ST18: variants seen among roughly 807,000 people sequenced by gnomAD.
ST18 encodes the protein ST18 C2H2C-type zinc finger transcription factor, also known as suppression of tumorigenicity 18 protein.
ST18 carries 50 observed loss-of-function variants against 110.0 expected under a neutral mutation model. The observed-to-expected ratio is 0.45, with a 90% CI of 0.36 to 0.58. The LOEUF is 0.58. Ranked by LOEUF, ST18 falls within the 20% of genes least tolerant of loss-of-function variation. The pLI is 0.00. For synonymous variants in ST18, 461 were observed against 452.4 expected (o/e 1.02, Z -0.24); for missense variants, 1,306 against 1,280.1 (o/e 1.02, Z -0.31).
intron 2 of ST18, among the ~76,000 whole-genome samples, chr8:52,262,943 C>T (rs891738976): frequency 6.6e-6 from 1 of 152,166 alleles, no homozygotes; most frequent in African/African-American, 2.4e-5. Flanking sequence ...GGGGCCAAAA[C>T]TTTTTCCACT....
At chr8:52,279,664 G>A (rs1214943438) in intron 2 of ST18, among the ~76,000 whole-genome samples, 1 of 152,122 alleles carries the variant, frequency 6.6e-6, no homozygotes, top group Non-Finnish European at 1.5e-5. Context: ...GGGAAATATA[G>A]TGAATTGGTA....
At chr8:52,178,571 C>T (rs192691193) in intron 9 of ST18, among the ~76,000 whole-genome samples, 1 of 138,826 alleles carries the variant, frequency 7.2e-6, no homozygotes, top group East Asian at 2.1e-4. Context: ...GAGCTGAGAT[C>T]CCACCATTGC....
chr8:52,169,300 C>A (rs896974694), intron 10 of ST18, among the ~76,000 whole-genome samples: 11 of 152,300 alleles, frequency 7.2e-5, no homozygotes, highest in Non-Finnish European at 1.3e-4. Context: ...ACCTTATACT[C>A]TGGTGATGTT....
At position 52,146,188 on chromosome 8, in the gene ST18, G is replaced by T. The variant is rs1182339425; in HGVS notation, c.2053-3143C>A. Among the ~76,000 whole-genome samples, 4 of 152,088 alleles carry T rather than the reference G, an allele frequency of 2.6e-5. No individual in the cohort carries two copies. In the South Asian group the frequency reaches 8.3e-4, roughly 32 times the overall value. On this transcript the variant is annotated intron_variant, in intron 16 of 25. Coordinates refer to ENST00000689386, the MANE Select transcript of ST18 (RefSeq NM_001352837.2). Reference sequence around the variant, plus strand: ...ATGTGAACAATAGATTGTCTGGAACGCACATAGCTATTCCAGGGAAGCTCA... The same window carrying T: ...ATGTGAACAATAGATTGTCTGGAACTCACATAGCTATTCCAGGGAAGCTCA...
intron 8 of ST18, among the ~76,000 whole-genome samples, chr8:52,182,729 C>T (rs577661494): frequency 6.6e-6 from 1 of 152,152 alleles, no homozygotes; most frequent in South Asian, 2.1e-4. Context: ...AACACTGTAC[C>T]TAGAGTCAAC....
At chr8:52,220,522 T>G (rs1237689674) in intron 5 of ST18, 1 of 152,154 alleles carries the variant, frequency 6.6e-6, no homozygotes, top group Non-Finnish European at 1.5e-5. Flanking sequence ...CAAAACGGTT[T>G]GTAGGCTCAG....
At chr8:52,282,111 C>G (rs2095390826) in intron 2 of ST18, among the ~76,000 whole-genome samples, 1 of 152,034 alleles carries the variant, frequency 6.6e-6, no homozygotes, top group African/African-American at 2.4e-5. Context: ...AGATATGATT[C>G]CAATCACATG....
intron 2 of ST18, among the ~76,000 whole-genome samples, chr8:52,342,096 G>A (rs1815324709): frequency 6.6e-6 from 1 of 152,170 alleles, no homozygotes; most frequent in Admixed American, 6.6e-5. Context: ...GCTTTTAAGT[G>A]TTCACACCAC....
chr8:52,245,256 T>C (rs2093750397), intron 2 of ST18, among the ~76,000 whole-genome samples: 1 of 152,186 alleles, frequency 6.6e-6, no homozygotes, highest in African/African-American at 2.4e-5. Flanking sequence ...TAAATTTTTT[T>C]TTGTTTTCAT....
intron 22 of ST18, among the ~76,000 whole-genome samples, chr8:52,128,759 G>A (rs1223514767): frequency 6.6e-6 from 1 of 152,118 alleles, no homozygotes; most frequent in Non-Finnish European, 1.5e-5. Flanking sequence ...TGGCTTTCAC[G>A]TGCCAACCTG....
chr8:52,295,100 A>T (rs965865936), intron 2 of ST18, among the ~76,000 whole-genome samples: 7 of 152,240 alleles, frequency 4.6e-5, no homozygotes, highest in African/African-American at 1.7e-4. Flanking sequence ...CTCTAGCCTG[A>T]CAAACCAGTG....
At chr8:52,367,179 G>A (rs9298474) in intron 2 of ST18, among the ~76,000 whole-genome samples, 121,011 of 150,832 alleles carry the variant, frequency 0.8, 51,131 homozygotes, top group Non-Finnish European at 0.93. Context: ...CGGAGGCTGC[G>A]GTGAGCAGAG....
chr8:52,346,180 T>A (rs893674795), intron 2 of ST18, among the ~76,000 whole-genome samples: 2 of 151,144 alleles, frequency 1.3e-5, no homozygotes, highest in Non-Finnish European at 3.0e-5. Flanking sequence ...TTTTATTTAT[T>A]TATTATTATT....
At chr8:52,273,168 CTA>C (rs1365553233) in intron 2 of ST18, among the ~76,000 whole-genome samples, 3 of 152,176 alleles carry the variant, frequency 2.0e-5, no homozygotes, top group African/African-American at 7.2e-5. Flanking sequence ...ACATCCATAT[CTA>C]TGTTAAGCAG....
At chr8:52,152,156 C>A (rs1474784132) in intron 15 of ST18, among the ~76,000 whole-genome samples, 1 of 152,210 alleles carries the variant, frequency 6.6e-6, no homozygotes, top group Admixed American at 6.5e-5. Flanking sequence ...GGGCGGCTCA[C>A]TGGGGAGCAG....
Position 52,137,491 on chromosome 8 carries a change from A to G in ST18, c.2169-8T>C. The G allele has an allele frequency of 6.2e-7, 1 of 1,614,042 alleles. No individual in the cohort carries two copies. The highest frequency in any genetic ancestry group is 8.5e-7 in the Non-Finnish European group (1 of 1,179,944). On this transcript the variant is annotated splice_region_variant and splice_polypyrimidine_tract_variant and intron_variant, in intron 17 of 25. Coordinates refer to ENST00000689386, the MANE Select transcript of ST18 (RefSeq NM_001352837.2). The stretch of plus-strand genomic sequence containing the variant: ...CATCCTGGTGTTGGACAGCTGAGTC[A>G]ATAGAAAATACATCATTAGAGTCAA...
intron 16 of ST18, among the ~76,000 whole-genome samples, chr8:52,149,295 C>A (rs2058194158): frequency 6.6e-6 from 1 of 152,228 alleles, no homozygotes; most frequent in Non-Finnish European, 1.5e-5. Context: ...CTAACACAGT[C>A]CCTTCACAAA....
chr8:52,145,920 G>A lies in ST18; in HGVS notation c.2053-2875C>T, dbSNP rs2057093927. 2.6e-5 allele frequency among the ~76,000 whole-genome samples: 4 copies of A among 152,160 alleles called. No individual in the cohort carries two copies. In the South Asian group the frequency reaches 8.3e-4, roughly 32 times the overall value. ...TTCGAGATATTTTGAGTTTTTTCCA[G>A]ATTCAGGAATTTTTTTTAGGGGGCA... On this transcript the variant is annotated intron_variant, in intron 16 of 25. Transcript: ENST00000689386.
intron 2 of ST18, among the ~76,000 whole-genome samples, chr8:52,366,086 C>A (rs1486717650): frequency 6.6e-6 from 1 of 152,108 alleles, no homozygotes; most frequent in Non-Finnish European, 1.5e-5. Flanking sequence ...GGAGAGGACA[C>A]ACAACTTGTC....
Sources: gnomAD v4.1 joint callset for allele counts (sites outside exome capture counted in the v4.1 genomes callset) on GRCh38, gnomAD v4.1.1 for gene constraint, MANE v1.5 for transcripts, NCBI Gene and HGNC (gene_info 2026-07-23, HGNC 2026-07-21) for gene names.